The following BCL2L11 variants were observed in gnomAD, a reference collection of about 807,000 sequenced individuals.
The protein encoded by BCL2L11 is BCL2 like 11.
BCL2L11 carries 15 observed loss-of-function variants against 20.6 expected under a neutral mutation model. The ratio of observed to expected loss-of-function variants is 0.73; its 90% CI spans 0.49 to 1.12. BCL2L11 has a LOEUF of 1.12. Ranked by LOEUF, BCL2L11 falls within the 50% of genes most tolerant of loss-of-function variation. The pLI, the probability that BCL2L11 is intolerant of heterozygous loss-of-function variation, is 0.00. For missense variants in BCL2L11, 292 were observed against 260.9 expected, an observed-to-expected ratio of 1.12 and a Z score of -0.82; for synonymous variants, 108 against 92.8, an observed-to-expected ratio of 1.16 and a Z score of -0.94.
chr2:111,137,715 A>G (rs1441515371), intron 2 of BCL2L11, among the ~76,000 whole-genome samples: 1 of 151,766 alleles, frequency 6.6e-6, no homozygotes, highest in Non-Finnish European at 1.5e-5. Flanking sequence ...TTATACAGCC[A>G]AACGACTGTC....
chr2:111,152,311 G>A (rs2077351694), intron 3 of BCL2L11, among the ~76,000 whole-genome samples: 1 of 152,198 alleles, frequency 6.6e-6, no homozygotes, highest in South Asian at 2.1e-4. Flanking sequence ...AGAAAGAGGT[G>A]GCAGTAGGCC....
intron 2 of BCL2L11, among the ~76,000 whole-genome samples, chr2:111,135,637 C>T (rs529285486): frequency 3.3e-5 from 5 of 152,242 alleles, no homozygotes; most frequent in Admixed American, 2.0e-4. Flanking sequence ...CTTTTGTTCT[C>T]TTTAATTAGC....
chr2:111,148,269 G>A (rs2076823424), intron 2 of BCL2L11, among the ~76,000 whole-genome samples: 1 of 152,176 alleles, frequency 6.6e-6, no homozygotes, highest in Non-Finnish European at 1.5e-5. Flanking sequence ...CCTCCTTTAG[G>A]AGGACTGCAT....
chr2:111,137,633 CTTTTTTTT>C (rs575699231), intron 2 of BCL2L11, among the ~76,000 whole-genome samples: 4 of 132,940 alleles, frequency 3.0e-5, no homozygotes, highest in African/African-American at 1.1e-4. Flanking sequence ...TTCCTCCCCA[CTTTTTTTT>C]TTTTTTTTTT....
chr2:111,162,608 T>TG (rs2078695969), intron 3 of BCL2L11, among the ~76,000 whole-genome samples: 1 of 152,228 alleles, frequency 6.6e-6, no homozygotes, highest in Non-Finnish European at 1.5e-5. Flanking sequence ...TGTCAGCAGT[T>TG]GGGGTCTGTC....
chr2:111,147,836 T>A (rs1331120687), intron 2 of BCL2L11, among the ~76,000 whole-genome samples: 1 of 152,190 alleles, frequency 6.6e-6, no homozygotes, highest in Non-Finnish European at 1.5e-5. Flanking sequence ...ATAAAATATG[T>A]CTCCTTGTCC....
intron 3 of BCL2L11, among the ~76,000 whole-genome samples, chr2:111,151,344 C>T (rs954035847): frequency 6.6e-6 from 1 of 152,176 alleles, no homozygotes; most frequent in Non-Finnish European, 1.5e-5. Flanking sequence ...TTAAACACCT[C>T]ATATAAAGGT....
intron 2 of BCL2L11, among the ~76,000 whole-genome samples, chr2:111,144,721 C>G (rs2076275563): frequency 6.6e-6 from 1 of 152,224 alleles, no homozygotes; most frequent in Non-Finnish European, 1.5e-5. Flanking sequence ...GAGGCAGTGA[C>G]TCCCCTAAAC....
intron 2 of BCL2L11, among the ~76,000 whole-genome samples, chr2:111,127,351 G>C (rs1475458067): frequency 6.6e-6 from 1 of 151,414 alleles, no homozygotes; most frequent in East Asian, 2.0e-4. Flanking sequence ...TGTCATGTTA[G>C]TAAATGTCTT....
chr2:111,124,062 C>T lies in BCL2L11; in HGVS notation c.317C>T (p.Ala106Val), dbSNP rs773443902. 3.7e-6 allele frequency: 6 copies of T among 1,614,064 alleles called. No homozygotes were observed. Among genetic ancestry groups the T allele is most frequent in the East Asian group, 2.2e-5 (1 of 44,896 alleles). ...YFSFDTDRSP[A>V]PMSCDKSTQT... Reference sequence around the variant, plus strand: ...TCTTTTGACACAGACAGGAGCCCAGCACCCATGAGTTGTGACAAATCAACA... The same window carrying T: ...TCTTTTGACACAGACAGGAGCCCAGTACCCATGAGTTGTGACAAATCAACA... The change falls in exon 2 of 4, where the codon GCA becomes GTA. Residue 106 changes from alanine (A) to valine (V), a missense_variant. Coordinates refer to ENST00000393256, the MANE Select transcript of BCL2L11 (RefSeq NM_138621.5).
chr2:111,166,849 C>G lies in BCL2L11; in HGVS notation c.*2618C>G, dbSNP rs1226810586. Reference sequence around the variant, plus strand: ...GTGGAATACAATTGTCTGCCGTTTCCCCTTCTTAATGTATATATTGTGAGT... The same window carrying G: ...GTGGAATACAATTGTCTGCCGTTTCGCCTTCTTAATGTATATATTGTGAGT... On this transcript the variant is annotated 3_prime_UTR_variant, in exon 4 of 4. Transcript: ENST00000393256. 1.3e-5 allele frequency: 2 copies of G among 152,448 alleles called. No individual in the cohort carries two copies. The highest frequency in any genetic ancestry group is 4.8e-5 in the African/African-American group (2 of 41,396). The allele number at this position is 152,448 out of a possible 1,614,324, so 9.4% of individuals were successfully genotyped here. A position where few individuals can be genotyped will look rare whatever the true frequency, so the allele number is the denominator to read the frequency against.
rs550404477 is a variant in BCL2L11 at position 111,152,660 on chromosome 2, T to C, written c.498+2513T>C. Reference sequence around the variant, plus strand: ...AAGGTGGGGAATAGTTTGAGTCATATGCAGATGAAACCTAGGCTGCTGGGT... The same window carrying C: ...AAGGTGGGGAATAGTTTGAGTCATACGCAGATGAAACCTAGGCTGCTGGGT... On this transcript the variant is annotated intron_variant, in intron 3 of 3. Transcript: ENST00000393256. Among the ~76,000 whole-genome samples the C allele has an allele frequency of 2.5e-4, 38 of 152,360 alleles. No homozygotes were observed. The South Asian group carries it at 6.8e-3, about 27-fold the overall frequency.
At chr2:111,154,439 G>T (rs1194012458) in intron 3 of BCL2L11, among the ~76,000 whole-genome samples, 1 of 152,008 alleles carries the variant, frequency 6.6e-6, no homozygotes. Context: ...TTTACCTCTG[G>T]TTCCGTTAAT....
intron 2 of BCL2L11, among the ~76,000 whole-genome samples, chr2:111,125,929 A>G (rs2072487784): frequency 6.6e-6 from 1 of 152,194 alleles, no homozygotes; most frequent in African/African-American, 2.4e-5. Context: ...ATTCTCGCTT[A>G]CTATAACATC....
intron 2 of BCL2L11, among the ~76,000 whole-genome samples, chr2:111,149,688 GTTATAA>G (rs1385719667): frequency 2.6e-5 from 4 of 152,092 alleles, no homozygotes; most frequent in Non-Finnish European, 5.9e-5. Context: ...AAATTGTTAT[GTTATAA>G]TTATGTTTCA....
chr2:111,124,660 A>C (rs13385184), intron 2 of BCL2L11, among the ~76,000 whole-genome samples: 2,097 of 152,322 alleles, frequency 0.014, 49 homozygotes, highest in African/African-American at 0.047. Flanking sequence ...ATTAGCTTTC[A>C]GGTCTGTCTT....
At chr2:111,148,920 T>G (rs998800863) in intron 2 of BCL2L11, among the ~76,000 whole-genome samples, 5 of 152,238 alleles carry the variant, frequency 3.3e-5, no homozygotes, top group Non-Finnish European at 7.3e-5. Context: ...TACTGGCCTT[T>G]TACAAAAATA....
chr2:111,131,797 C>G (rs2074004307), intron 2 of BCL2L11: 1 of 152,070 alleles, frequency 6.6e-6, no homozygotes, highest in South Asian at 2.1e-4. Context: ...ACACTCCAGA[C>G]CCAGGGCTTA....
chr2:111,130,392 C>T (rs935939949), intron 2 of BCL2L11: 11 of 203,854 alleles, frequency 5.4e-5, no homozygotes, highest in Non-Finnish European at 6.2e-5. Context: ...GCGTGAGCCA[C>T]CACACCTGGC....
Sources: allele counts gnomAD v4.1 joint callset (sites outside exome capture counted in the v4.1 genomes callset), GRCh38; gene constraint gnomAD v4.1.1; transcripts MANE v1.5; gene names NCBI Gene and HGNC (gene_info 2026-07-23, HGNC 2026-07-21).